Variants in RBMS3 observed in about 807,000 individuals in gnomAD.
RBMS3 encodes the protein RNA binding motif single stranded interacting protein 3.
RBMS3 carries 27 observed loss-of-function variants against 66.8 expected under a neutral mutation model. The ratio of observed to expected loss-of-function variants is 0.40; its 90% CI spans 0.30 to 0.56. The LOEUF (loss-of-function observed/expected upper bound fraction) is 0.56, where lower values mean the gene tolerates loss of function less well. Ranked by LOEUF, RBMS3 falls within the 20% of genes least tolerant of loss-of-function variation. RBMS3 has a pLI of 0.40. For missense variants in RBMS3, 513 were observed against 549.5 expected (o/e 0.93, Z 0.66); for synonymous variants, 188 against 183.0 (o/e 1.03, Z -0.22).
chr3:29,513,274 A>T (rs528300497), intron 3 of RBMS3, among the ~76,000 whole-genome samples: 2 of 152,104 alleles, frequency 1.3e-5, no homozygotes, highest in South Asian at 4.1e-4. Flanking sequence ...TGATTGGAAA[A>T]CCTTTCAGGG....
chr3:29,366,579 C>A (rs2037919271), intron 1 of RBMS3, among the ~76,000 whole-genome samples: 1 of 151,762 alleles, frequency 6.6e-6, no homozygotes, highest in South Asian at 2.1e-4. Context: ...AAGACATGGT[C>A]TCACCATGTT....
chr3:29,390,550 T>G (rs902268390), intron 1 of RBMS3, among the ~76,000 whole-genome samples: 6 of 128,194 alleles, frequency 4.7e-5, no homozygotes, highest in African/African-American at 1.7e-4. Context: ...TATCAAAGTT[T>G]ATTTAAAAAA....
At chr3:29,584,859 T>C (rs561858494) in intron 3 of RBMS3, among the ~76,000 whole-genome samples, 4 of 152,220 alleles carry the variant, frequency 2.6e-5, no homozygotes, top group Admixed American at 2.6e-4. Flanking sequence ...GATCCCATTC[T>C]AGCTTCCCAG....
intron 1 of RBMS3, among the ~76,000 whole-genome samples, chr3:29,329,809 ATATAT>A (rs2035546132): frequency 2.7e-5 from 4 of 148,300 alleles, no homozygotes; most frequent in African/African-American, 2.4e-5. Context: ...TATAGATTAT[ATATAT>A]TATATGTATA....
intron 1 of RBMS3, among the ~76,000 whole-genome samples, chr3:29,299,860 C>A (rs2033552058): frequency 6.6e-6 from 1 of 151,682 alleles, no homozygotes; most frequent in African/African-American, 2.4e-5. Context: ...CTTCATATAG[C>A]AGAAAACCTA....
intron 12 of RBMS3, among the ~76,000 whole-genome samples, chr3:29,981,894 G>T (rs1057264657): frequency 1.3e-4 from 19 of 149,628 alleles, no homozygotes; most frequent in African/African-American, 4.4e-4. Context: ...TTTTCTTTGT[G>T]TGTGTCTCTG....
At chr3:29,394,748 TC>T (rs2125651960) in intron 1 of RBMS3, among the ~76,000 whole-genome samples, 1 of 152,320 alleles carries the variant, frequency 6.6e-6, no homozygotes, top group African/African-American at 2.4e-5. Flanking sequence ...CACAGTGGCC[TC>T]TAAGGCCCTC....
At chr3:29,434,688 C>A (rs1336599300) in intron 1 of RBMS3, 55 bp from the exon 2 acceptor site, 2 of 1,570,598 alleles carry the variant, frequency 1.3e-6, no homozygotes, top group Non-Finnish European at 8.6e-7. Flanking sequence ...GTGCTGCTGG[C>A]CTGTGAATAG....
At chr3:29,391,933 C>G (rs570042214) in intron 1 of RBMS3, among the ~76,000 whole-genome samples, 3 of 151,996 alleles carry the variant, frequency 2.0e-5, no homozygotes, top group Non-Finnish European at 4.4e-5. Context: ...GGAATTATAG[C>G]CATGATAAAT....
chr3:29,334,781 G>A (rs919723393), intron 1 of RBMS3, among the ~76,000 whole-genome samples: 4 of 152,194 alleles, frequency 2.6e-5, no homozygotes, highest in African/African-American at 7.2e-5. Context: ...TGGCTTGGCA[G>A]TGTATTGGTA....
rs899244043 is a variant in RBMS3 at position 30,010,023 on chromosome 3, A to T, written c.*6161A>T. 5.6e-4 allele frequency: 85 copies of T among 152,136 alleles called. No homozygotes were observed. Among genetic ancestry groups the T allele is most frequent in the African/African-American group, 2.0e-3 (84 of 41,438 alleles). The allele number at this position is 152,136 out of a possible 1,614,324, so 9.4% of individuals were successfully genotyped here. On this transcript the variant is annotated 3_prime_UTR_variant, in exon 15 of 15. Coordinates refer to ENST00000383767, the MANE Select transcript of RBMS3 (RefSeq NM_001003793.3). ...AGAAGAAGAAGAAAAATGGAATCTT[A>T]ATTTAAAAAAATATATGTAGTAGTA...
At chr3:29,334,901 C>T (rs2035860365) in intron 1 of RBMS3, among the ~76,000 whole-genome samples, 1 of 152,104 alleles carries the variant, frequency 6.6e-6, no homozygotes, top group Non-Finnish European at 1.5e-5. Context: ...TGATAAAACT[C>T]CAGTATCAAA....
intron 1 of RBMS3, among the ~76,000 whole-genome samples, chr3:29,389,348 AG>A (rs1559540887): frequency 6.6e-6 from 1 of 152,150 alleles, no homozygotes; most frequent in East Asian, 1.9e-4. Flanking sequence ...ATGGGGAAAA[AG>A]GTCACTCTTC....
chr3:29,478,351 C>A (rs2043019493), intron 2 of RBMS3, among the ~76,000 whole-genome samples: 1 of 152,138 alleles, frequency 6.6e-6, no homozygotes, highest in African/African-American at 2.4e-5. Flanking sequence ...ATGAGGGCCC[C>A]ATTTTCTGGT....
intron 4 of RBMS3, among the ~76,000 whole-genome samples, chr3:29,709,846 A>G (rs2053082740): frequency 6.6e-6 from 1 of 152,222 alleles, no homozygotes. Flanking sequence ...ATTATATATA[A>G]TCATAGAGAT....
Position 29,351,300 on chromosome 3 carries a change from A to G in RBMS3, c.75+69544A>G, listed in dbSNP as rs544416375. ...TCTAAGAGTTGCTGTATTACATCAA[A>G]GAAATCCTGAGTTTTCTGTTATTGT... On this transcript the variant is annotated intron_variant, in intron 1 of 14. Transcript: ENST00000383767. Among the ~76,000 whole-genome samples the G allele has an allele frequency of 1.4e-4, 22 of 152,292 alleles. No individual in the cohort carries two copies. The East Asian group carries it at 3.9e-3, about 27-fold the overall frequency.
chr3:29,987,055 C>T (rs1698436814), intron 12 of RBMS3, among the ~76,000 whole-genome samples: 1 of 152,180 alleles, frequency 6.6e-6, no homozygotes, highest in Non-Finnish European at 1.5e-5. Context: ...TACTAAGATA[C>T]ACAAAACAGT....
At chr3:29,491,218 T>C (rs2043530834) in intron 3 of RBMS3, among the ~76,000 whole-genome samples, 1 of 152,192 alleles carries the variant, frequency 6.6e-6, no homozygotes, top group African/African-American at 2.4e-5. Flanking sequence ...ATACTATGGG[T>C]ATCCTTATCC....
At chr3:29,346,969 A>G (rs897493631) in intron 1 of RBMS3, among the ~76,000 whole-genome samples, 1 of 152,218 alleles carries the variant, frequency 6.6e-6, no homozygotes, top group East Asian at 1.9e-4. Context: ...AGCACTATGA[A>G]AAACAAGTTC....
Sources: allele counts gnomAD v4.1 joint callset (sites outside exome capture counted in the v4.1 genomes callset), GRCh38; gene constraint gnomAD v4.1.1; transcripts MANE v1.5; gene names NCBI Gene and HGNC (gene_info 2026-07-23, HGNC 2026-07-21).